NEK1: variants seen among roughly 807,000 people sequenced by gnomAD.
NEK1 encodes the protein serine/threonine-protein kinase Nek1.
A neutral mutation model predicts 182.1 loss-of-function variants in NEK1; 137 were observed. That is an observed-to-expected ratio of 0.75 (90% CI 0.65 to 0.87). NEK1 has a LOEUF of 0.87. Among genes scored for constraint, NEK1 ranks in the 40% least tolerant of loss-of-function variants. NEK1 has a pLI of 0.00. For missense variants in NEK1, 1,391 were observed against 1,494.4 expected (o/e 0.93, Z 1.14); for synonymous variants, 513 against 492.2 (o/e 1.04, Z -0.56).
At chr4:169,526,413 TA>T (rs1580471273) in intron 19 of NEK1, among the ~76,000 whole-genome samples, 1 of 152,046 alleles carries the variant, frequency 6.6e-6, no homozygotes, top group Non-Finnish European at 1.5e-5. Context: ...CACTTGAGCC[TA>T]AAAGTGTGAG....
chr4:169,436,829 G>T (rs1738503387), intron 28 of NEK1, among the ~76,000 whole-genome samples: 1 of 152,204 alleles, frequency 6.6e-6, no homozygotes. Flanking sequence ...GATAGAGAAA[G>T]AATTTCTAAG....
chr4:169,513,884 C>T (rs952006462), intron 19 of NEK1, among the ~76,000 whole-genome samples: 1 of 152,026 alleles, frequency 6.6e-6, no homozygotes. Flanking sequence ...TTTTTTAATA[C>T]TGTAAAATAC....
At position 169,585,337 on chromosome 4, in the gene NEK1, A is replaced by G; in HGVS notation, c.807+12T>C. 1 of 1,607,862 alleles carries G rather than the reference A, an allele frequency of 6.2e-7. No individual in the cohort carries two copies. The highest frequency in any genetic ancestry group is 1.1e-5 in the South Asian group (1 of 90,360). ...AACCCTACTGTTTAATTTTAAAGGA[A>G]AAAGAACTTACCTGAGGAGAGAGAA... On this transcript the variant is annotated intron_variant, in intron 10 of 35. Transcript: ENST00000507142.
chr4:169,506,770 C>CA (rs1476834672), intron 23 of NEK1: 1 of 166,006 alleles, frequency 6.0e-6, no homozygotes, highest in Non-Finnish European at 1.3e-5. Context: ...TACTCCATCT[C>CA]AAAAAATAAT....
intron 23 of NEK1, among the ~76,000 whole-genome samples, chr4:169,505,242 C>T (rs1753051114): frequency 6.6e-6 from 1 of 151,862 alleles, no homozygotes; most frequent in African/African-American, 2.4e-5. Flanking sequence ...TTGAACAACA[C>T]AGGTTTGACC....
chr4:169,496,647 A>C (rs1751351883), intron 23 of NEK1, among the ~76,000 whole-genome samples: 1 of 149,184 alleles, frequency 6.7e-6, no homozygotes, highest in African/African-American at 2.6e-5. Context: ...CCTTTTCTGC[A>C]TCTATTGAGA....
chr4:169,570,648 T>C (rs1764646692), intron 12 of NEK1, among the ~76,000 whole-genome samples: 1 of 151,916 alleles, frequency 6.6e-6, no homozygotes, highest in Non-Finnish European at 1.5e-5. Flanking sequence ...GGAGCCCCTC[T>C]GCCCGGCCAC....
At chr4:169,478,630 A>G (rs942903003) in intron 24 of NEK1, among the ~76,000 whole-genome samples, 4 of 152,154 alleles carry the variant, frequency 2.6e-5, no homozygotes, top group African/African-American at 9.6e-5. Context: ...AAAAACAGCT[A>G]GTGTACCAAT....
chr4:169,456,294 C>A (rs1481701179), intron 27 of NEK1, among the ~76,000 whole-genome samples: 1 of 151,884 alleles, frequency 6.6e-6, no homozygotes, highest in Non-Finnish European at 1.5e-5. Context: ...ATCTAATGAT[C>A]CATCTTAAAG....
At chr4:169,430,283 T>C (rs991075435) in intron 29 of NEK1, among the ~76,000 whole-genome samples, 2 of 152,074 alleles carry the variant, frequency 1.3e-5, no homozygotes, top group East Asian at 3.9e-4. Context: ...TTGGTTCAAG[T>C]GATTCTCATG....
intron 23 of NEK1, among the ~76,000 whole-genome samples, chr4:169,481,247 A>C (rs988831968): frequency 1.3e-5 from 2 of 152,196 alleles, no homozygotes; most frequent in African/African-American, 4.8e-5. Context: ...AACTTCTTCC[A>C]AACTCCTGTT....
At chr4:169,522,205 T>C (rs72692903) in intron 19 of NEK1, among the ~76,000 whole-genome samples, 8,487 of 152,324 alleles carry the variant, frequency 0.056, 242 homozygotes, top group African/African-American at 0.068. Context: ...TTCAGTTCTA[T>C]AATTTCCATT....
chr4:169,437,026 T>A (rs761681085), intron 28 of NEK1, among the ~76,000 whole-genome samples: 4 of 152,124 alleles, frequency 2.6e-5, no homozygotes, highest in African/African-American at 9.7e-5. Flanking sequence ...GGGACAAACA[T>A]AGTGCAAAAG....
intron 12 of NEK1, among the ~76,000 whole-genome samples, chr4:169,575,673 A>G (rs563949152): frequency 1.3e-5 from 2 of 151,722 alleles, no homozygotes; most frequent in African/African-American, 2.4e-5. Flanking sequence ...TTCTACTGAC[A>G]CTCCAGGCAG....
intron 35 of NEK1, among the ~76,000 whole-genome samples, chr4:169,399,607 T>G (rs557794832): frequency 6.6e-6 from 1 of 152,026 alleles, no homozygotes; most frequent in Non-Finnish European, 1.5e-5. Context: ...TTCTAAGTTA[T>G]AATCTTCTTT....
rs568438366 is a variant in NEK1 at position 169,399,206 on chromosome 4, C to T, written c.3847+1019G>A. Among the ~76,000 whole-genome samples, 292 of 152,150 alleles carry T rather than the reference C, an allele frequency of 1.9e-3. 2 individuals carry two copies. The highest frequency in any genetic ancestry group is 3.2e-3 in the Non-Finnish European group (221 of 68,000). ...GTTGCAGTGAGCTGAGACTGTGCCA[C>T]TGCACTCTAGCCTGGACAACAGAGC... On this transcript the variant is annotated intron_variant, in intron 35 of 35. Coordinates refer to ENST00000507142, the MANE Select transcript of NEK1 (RefSeq NM_001199397.3).
intron 28 of NEK1, among the ~76,000 whole-genome samples, chr4:169,434,105 A>G (rs1326500705): frequency 6.6e-6 from 1 of 152,090 alleles, no homozygotes; most frequent in Non-Finnish European, 1.5e-5. Context: ...CTATCTTTTA[A>G]TAGTCAAAAA....
chr4:169,409,050 T>C (rs976140994), intron 31 of NEK1, among the ~76,000 whole-genome samples: 2 of 152,240 alleles, frequency 1.3e-5, no homozygotes, highest in Admixed American at 1.3e-4. Flanking sequence ...AACTCCATAC[T>C]GTGTTCCATA....
At chr4:169,432,899 G>C in intron 29 of NEK1, among the ~76,000 whole-genome samples, 1 of 151,970 alleles carries the variant, frequency 6.6e-6, no homozygotes, top group East Asian at 1.9e-4. Flanking sequence ...TCAGCCTCCT[G>C]AGTACCTGGG....
Sources: allele counts gnomAD v4.1 joint callset (sites outside exome capture counted in the v4.1 genomes callset), GRCh38; gene constraint gnomAD v4.1.1; transcripts MANE v1.5; gene names NCBI Gene and HGNC (gene_info 2026-07-23, HGNC 2026-07-21).